The following APLP2 variants were observed in gnomAD, a reference collection of about 807,000 sequenced individuals.
APLP2 encodes the protein amyloid beta precursor like protein 2, also known as CDEI box-binding protein.
A neutral mutation model predicts 89.9 loss-of-function variants in APLP2; 53 were observed. The ratio of observed to expected loss-of-function variants is 0.59; its 90% CI spans 0.47 to 0.74. The LOEUF is 0.74. APLP2 is among the 30% of genes least tolerant of loss of function. The pLI, the probability that APLP2 is intolerant of heterozygous loss-of-function variation, is 0.00. For missense variants in APLP2, 973 were observed against 975.9 expected (o/e 1.00, Z 0.04); for synonymous variants, 372 against 348.6 (o/e 1.07, Z -0.75).
Position 130,127,759 on chromosome 11 carries a change from G to C in APLP2, c.1222-7G>C. ...ACTGCTGACGGCGTTTTTGACCTTT[G>C]TTCTAGGTAAAGAAGGAATGGGAAG... On this transcript the variant is annotated splice_polypyrimidine_tract_variant and splice_region_variant and intron_variant, in intron 8 of 16. Coordinates refer to ENST00000338167, the MANE Select transcript of APLP2 (RefSeq NM_001142276.2). 6.2e-7 allele frequency: 1 copy of C among 1,613,968 alleles called. No individual in the cohort carries two copies. The highest frequency in any genetic ancestry group is 8.5e-7 in the Non-Finnish European group (1 of 1,179,884).
intron 13 of APLP2, among the ~76,000 whole-genome samples, chr11:130,136,849 C>CTT (rs1951676590): frequency 6.6e-6 from 1 of 152,170 alleles, no homozygotes; most frequent in East Asian, 1.9e-4. Flanking sequence ...TGGACAACTT[C>CTT]TTATGTGCTT....
At chr11:130,142,887 A>C (rs1375768785) in intron 16 of APLP2, among the ~76,000 whole-genome samples, 1 of 152,212 alleles carries the variant, frequency 6.6e-6, no homozygotes, top group East Asian at 1.9e-4. Flanking sequence ...TGCTGGGATT[A>C]CAAGCATGAG....
chr11:130,077,355 A>C (rs1169156763), intron 1 of APLP2, among the ~76,000 whole-genome samples: 1 of 152,178 alleles, frequency 6.6e-6, no homozygotes, highest in East Asian at 1.9e-4. Context: ...TAGATAAGAA[A>C]ATGTGACATT....
At position 130,141,475 on chromosome 11, in the gene APLP2, C is replaced by T. The variant is rs749779288; in HGVS notation, c.1924-23C>T. The stretch of plus-strand genomic sequence containing the variant: ...CCCCGTTCACCCAGTTGCTTGCTGC[C>T]GACATTCTCATGACTGTTTCAGGTC... On this transcript the variant is annotated intron_variant, in intron 14 of 16. Coordinates refer to ENST00000338167, the MANE Select transcript of APLP2 (RefSeq NM_001142276.2). This position sits in a 1 kb window ranked among gnomAD's most constrained non-coding sequence, Gnocchi z 4.2. 1.1e-5 allele frequency: 17 copies of T among 1,605,322 alleles called. No individual in the cohort carries two copies. Among genetic ancestry groups the T allele is most frequent in the South Asian group, 7.7e-5 (7 of 90,840 alleles).
chr11:130,126,492 C>T (rs1044371962), intron 7 of APLP2, among the ~76,000 whole-genome samples: 1 of 152,178 alleles, frequency 6.6e-6, no homozygotes, highest in Non-Finnish European at 1.5e-5. Flanking sequence ...GCTGTATTAG[C>T]GTGGGCTGAC....
chr11:130,126,350 G>A lies in APLP2; in HGVS notation c.1091-350G>A, dbSNP rs79152687. Among the ~76,000 whole-genome samples, 365 of 152,278 alleles carry A rather than the reference G, an allele frequency of 2.4e-3. 2 individuals are homozygous for A. Among genetic ancestry groups the A allele is most frequent in the African/African-American group, 8.4e-3 (349 of 41,546 alleles). ...TGTCTCTGTTCAGATGCTCAGTTAC[G>A]AGCAATAAGGTAGCTATTGTTTAGG... On this transcript the variant is annotated intron_variant, in intron 7 of 16. Coordinates refer to ENST00000338167, the MANE Select transcript of APLP2 (RefSeq NM_001142276.2).
chr11:130,091,971 G>A (rs1945349668), intron 1 of APLP2, among the ~76,000 whole-genome samples: 3 of 138,308 alleles, frequency 2.2e-5, no homozygotes, highest in Non-Finnish European at 4.6e-5. Context: ...CAGACGGGGC[G>A]GTTGCCAGGC....
At chr11:130,097,118 A>AT (rs1304329972) in intron 1 of APLP2, among the ~76,000 whole-genome samples, 1 of 152,186 alleles carries the variant, frequency 6.6e-6, no homozygotes, top group Non-Finnish European at 1.5e-5. Context: ...ACTTGCTTTG[A>AT]ATTTGGAAAG....
chr11:130,108,034 T>C (rs1002367034), intron 1 of APLP2, among the ~76,000 whole-genome samples: 2 of 152,132 alleles, frequency 1.3e-5, no homozygotes, highest in African/African-American at 4.8e-5. Flanking sequence ...GAAACTGGAT[T>C]CCTTCCTTAC....
intron 13 of APLP2, among the ~76,000 whole-genome samples, chr11:130,138,123 G>A (rs1951853324): frequency 6.6e-6 from 1 of 152,334 alleles, no homozygotes; most frequent in African/African-American, 2.4e-5. Context: ...AGGTGGGTGG[G>A]TGGCCCAGTC....
At chr11:130,072,219 A>G (rs908912989) in intron 1 of APLP2, among the ~76,000 whole-genome samples, 1 of 152,176 alleles carries the variant, frequency 6.6e-6, no homozygotes, top group Non-Finnish European at 1.5e-5. Context: ...CTGAGACAGT[A>G]TTGTGCTGAA....
intron 1 of APLP2, among the ~76,000 whole-genome samples, chr11:130,088,911 C>G (rs1250802674): frequency 1.3e-5 from 2 of 151,942 alleles, no homozygotes; most frequent in Non-Finnish European, 2.9e-5. Context: ...AATAGAAAAT[C>G]CTTACTTCCA....
At chr11:130,135,531 C>T in intron 12 of APLP2, 32 bp from the exon 13 acceptor site, 1 of 1,609,514 alleles carries the variant, frequency 6.2e-7, no homozygotes, top group Non-Finnish European at 8.5e-7. Context: ...CTTCTGAAGC[C>T]TGCTTTCTGT....
At chr11:130,136,790 G>A (rs924751222) in intron 13 of APLP2, among the ~76,000 whole-genome samples, 2 of 152,096 alleles carry the variant, frequency 1.3e-5, no homozygotes, top group African/African-American at 4.8e-5. Context: ...TAGATGAAGA[G>A]GCACCATGCT....
At chr11:130,076,403 A>G (rs1268564839) in intron 1 of APLP2, among the ~76,000 whole-genome samples, 1 of 152,120 alleles carries the variant, frequency 6.6e-6, no homozygotes, top group Non-Finnish European at 1.5e-5. Flanking sequence ...TATTATGTGC[A>G]AGTTCTCTTT....
At chr11:130,129,896 T>TA in intron 10 of APLP2, 142 bp from the exon 11 acceptor site, 2 of 959,500 alleles carry the variant, frequency 2.1e-6, no homozygotes, top group African/African-American at 1.6e-5. Flanking sequence ...CTTGGTAAGC[T>TA]AAAAAAGCCT....
intron 1 of APLP2, among the ~76,000 whole-genome samples, chr11:130,074,382 A>G (rs1285593098): frequency 5.3e-5 from 8 of 151,968 alleles, no homozygotes; most frequent in Non-Finnish European, 1.0e-4. Context: ...TGCCTGGCTC[A>G]TTTTTATATT....
At chr11:130,091,901 C>T (rs1258397321) in intron 1 of APLP2, among the ~76,000 whole-genome samples, 2 of 129,864 alleles carry the variant, frequency 1.5e-5, no homozygotes, top group Admixed American at 7.2e-5. Context: ...GGCTGCCGGG[C>T]GGAGAGGCTC....
intron 1 of APLP2, among the ~76,000 whole-genome samples, chr11:130,072,989 ATTAAT>A (rs1941417317): frequency 6.6e-6 from 1 of 152,186 alleles, no homozygotes. Flanking sequence ...TTTAATTTTA[ATTAAT>A]TTAAGTTTAC....
Sources: gnomAD v4.1 joint callset for allele counts (sites outside exome capture counted in the v4.1 genomes callset) on GRCh38, gnomAD v4.1.1 for gene constraint, Gnocchi (gnomAD v3.1) non-coding constraint, MANE v1.5 for transcripts, NCBI Gene and HGNC (gene_info 2026-07-23, HGNC 2026-07-21) for gene names.